Variants in PGS1 observed in about 807,000 individuals in gnomAD.
The protein encoded by PGS1 is CDP-diacylglycerol--glycerol-3-phosphate 3-phosphatidyltransferase, mitochondrial.
PGS1 carries 44 observed loss-of-function variants against 58.3 expected under a neutral mutation model. The observed-to-expected ratio is 0.75, with a 90% confidence interval of 0.59 to 0.97. PGS1 has a LOEUF of 0.97. PGS1 is among the 50% of genes least tolerant of loss of function. The pLI is 0.00. For missense variants in PGS1, 684 were observed against 731.1 expected (o/e 0.94, Z 0.74); for synonymous variants, 330 against 311.0 (o/e 1.06, Z -0.64).
In PGS1 at chr17:78,400,810, G is replaced by T. The variant is rs757506189; in HGVS notation, c.835G>T (p.Asp279Tyr). The T allele has an allele frequency of 6.2e-7, 1 of 1,612,916 alleles. No homozygotes were observed. The highest frequency in any genetic ancestry group is 1.3e-5 in the African/African-American group (1 of 74,878). The stretch of plus-strand genomic sequence containing the variant: ...GGATGTGTCCCTGCAGCTGCAGGGG[G>T]ACGACACGGTGCAGGTGGTGGATGG... Reference protein sequence around the residue: ...VGDVSLQLQGDDTVQVVDGMV... With the variant: ...VGDVSLQLQGYDTVQVVDGMV... The change falls in exon 6 of 10, where the codon GAC becomes TAC. Residue 279 changes from aspartate to tyrosine, a missense_variant. Asp to Tyr is a radical substitution (Grantham distance 160). Coordinates refer to ENST00000262764, the MANE Select transcript of PGS1 (RefSeq NM_024419.5). This position sits in a 1 kb window ranked among gnomAD's most constrained non-coding sequence, Gnocchi z 4.4.
chr17:78,419,513 T>G (rs946236906), intron 8 of PGS1, 33 bp from the exon 9 acceptor site: 1 of 1,593,158 alleles, frequency 6.3e-7, no homozygotes, highest in Non-Finnish European at 8.6e-7. Context: ...TGGAGGGGAC[T>G]CCTCACTATT....
chr17:78,418,549 GT>G (rs1222290918), intron 8 of PGS1, among the ~76,000 whole-genome samples: 1 of 152,096 alleles, frequency 6.6e-6, no homozygotes, highest in Non-Finnish European at 1.5e-5. Context: ...TAAGTTCGTG[GT>G]GAATGCTGGT....
At chr17:78,403,253 C>T (rs1164447743) in intron 6 of PGS1, among the ~76,000 whole-genome samples, 1 of 151,808 alleles carries the variant, frequency 6.6e-6, no homozygotes. Flanking sequence ...CAAAGGTAAC[C>T]ACTATCCTGA....
In PGS1 at chr17:78,400,696, TA is replaced by T. The variant is rs1371149964; in HGVS notation, c.722del (p.Tyr241SerfsTer70). 6.2e-7 allele frequency: 1 copy of T among 1,613,826 alleles called. No homozygotes were observed. The highest frequency in any genetic ancestry group is 1.7e-5 in the Admixed American group (1 of 59,986). The part of the protein sequence containing the change: ...ILSGANLSDS[Y>X]FTNRQDRYVF... ...CTGTAGTGCAAACCTGAGTGACTCC[TA>T]CTTCACCAACCGCCAGGACCGCTAC... is the stretch of plus-strand genomic sequence containing the variant. On this transcript the variant is annotated frameshift_variant, in exon 6 of 10. Coordinates refer to ENST00000262764, the MANE Select transcript of PGS1 (RefSeq NM_024419.5). LOFTEE classifies it high-confidence loss of function. This position sits in a 1 kb window ranked among gnomAD's most constrained non-coding sequence, Gnocchi z 4.4.
At chr17:78,419,132 C>G (rs954540586) in intron 8 of PGS1, among the ~76,000 whole-genome samples, 1 of 152,102 alleles carries the variant, frequency 6.6e-6, no homozygotes. Flanking sequence ...CTCAGCCTCC[C>G]AAGTTGCTGG....
intron 7 of PGS1, 122 bp from the exon 8 acceptor site, chr17:78,414,757 C>T (rs756433208): frequency 2.7e-6 from 3 of 1,093,140 alleles, no homozygotes; most frequent in Non-Finnish European, 4.0e-6. Context: ...CGCTCTGCAG[C>T]AGCCCCTCGT....
chr17:78,382,581 A>G (rs561874355), intron 1 of PGS1: 4 of 146,576 alleles, frequency 2.7e-5, no homozygotes, highest in Middle Eastern at 3.5e-3. Context: ...AGCTCAGGAG[A>G]GGGAGACAGA....
At chr17:78,395,003 G>A (rs974970655) in intron 2 of PGS1, among the ~76,000 whole-genome samples, 6 of 152,196 alleles carry the variant, frequency 3.9e-5, no homozygotes, top group African/African-American at 1.4e-4. Context: ...GGGGCAGAGA[G>A]GCTTGCCTCA....
rs1395134295 is a variant in PGS1 at position 78,400,429 on chromosome 17, A to G, written c.702-248A>G. On this transcript the variant is annotated intron_variant, in intron 5 of 9. Coordinates refer to ENST00000262764, the MANE Select transcript of PGS1 (RefSeq NM_024419.5). This position sits in a 1 kb window ranked among gnomAD's most constrained non-coding sequence, Gnocchi z 4.4. ...TGGTTAGTTGACTTTCTGTGTCTGC[A>G]TCTCCTCTTCTCAGCTACACTGTCG... Among the ~76,000 whole-genome samples the G allele has an allele frequency of 6.6e-6, 1 of 151,360 alleles. No homozygotes were observed. Among genetic ancestry groups the G allele is most frequent in the African/African-American group, 2.4e-5 (1 of 41,218 alleles).
intron 2 of PGS1, among the ~76,000 whole-genome samples, chr17:78,393,740 T>C (rs982635059): frequency 1.3e-5 from 2 of 152,162 alleles, no homozygotes; most frequent in African/African-American, 4.8e-5. Flanking sequence ...ATGTAAGTTT[T>C]GCATTTGGGG....
chr17:78,422,130 T>G (rs1411731608), intron 9 of PGS1, among the ~76,000 whole-genome samples: 1 of 152,206 alleles, frequency 6.6e-6, no homozygotes, highest in Non-Finnish European at 1.5e-5. Flanking sequence ...TTTGTGGTTA[T>G]TACCAGGGAC....
chr17:78,410,972 TAATAAGCAG>T (rs2084635024), intron 7 of PGS1, among the ~76,000 whole-genome samples: 3 of 152,112 alleles, frequency 2.0e-5, no homozygotes, highest in South Asian at 4.1e-4. Context: ...GGAAAGCAGA[TAATAAGCAG>T]ATGCGTCTCT....
intron 6 of PGS1, among the ~76,000 whole-genome samples, chr17:78,402,057 C>A (rs543396829): frequency 1.4e-5 from 2 of 146,950 alleles, no homozygotes; most frequent in African/African-American, 5.0e-5. Context: ...GCGCAGGGCC[C>A]CCCGGTGCTC....
intron 1 of PGS1, 55 bp downstream of exon 1, chr17:78,378,863 C>T (rs2081824934): frequency 1.5e-6 from 2 of 1,353,074 alleles, no homozygotes; most frequent in Admixed American, 4.1e-5. Flanking sequence ...GCCCGGCCCC[C>T]CGGCGCTCAA....
intron 7 of PGS1, among the ~76,000 whole-genome samples, chr17:78,409,038 G>A (rs1182543799): frequency 6.6e-6 from 1 of 152,238 alleles, no homozygotes; most frequent in East Asian, 1.9e-4. Flanking sequence ...CTCGCTTCGA[G>A]GTCTTGAGAG....
At chr17:78,398,115 G>A (rs777388626) in intron 3 of PGS1, 137 bp from the exon 4 acceptor site, 2 of 754,178 alleles carry the variant, frequency 2.7e-6, no homozygotes, top group Non-Finnish European at 4.8e-6. Context: ...TTGTGGTGTT[G>A]GTGTCCGAGT....
chr17:78,397,243 C>T (rs1164733687), intron 3 of PGS1, among the ~76,000 whole-genome samples: 1 of 106,634 alleles, frequency 9.4e-6, no homozygotes, highest in Non-Finnish European at 2.2e-5. Context: ...GAGATCACTG[C>T]TTTCTCTTGG....
intron 7 of PGS1, among the ~76,000 whole-genome samples, chr17:78,411,036 C>T (rs1373652780): frequency 6.6e-6 from 1 of 152,162 alleles, no homozygotes; most frequent in African/African-American, 2.4e-5. Flanking sequence ...AGAGAAGGCT[C>T]CAGGCTGCTG....
intron 3 of PGS1, 73 bp downstream of exon 3, chr17:78,396,458 T>C: frequency 3.6e-6 from 4 of 1,107,164 alleles, no homozygotes; most frequent in Non-Finnish European, 1.3e-6. Flanking sequence ...TTTTGTGCCA[T>C]GCAGTTGGTG....
Sources: gnomAD v4.1 joint callset for allele counts (sites outside exome capture counted in the v4.1 genomes callset) on GRCh38, gnomAD v4.1.1 for gene constraint, Gnocchi (gnomAD v3.1) non-coding constraint, MANE v1.5 for transcripts, NCBI Gene and HGNC (gene_info 2026-07-23, HGNC 2026-07-21) for gene names.